Variants in ARB2A observed in about 807,000 individuals in gnomAD.
The protein encoded by ARB2A is ARB2 cotranscriptional regulator A.
the ARB2A span, among the ~76,000 whole-genome samples, chr5:94,009,491 G>T: frequency 2.0e-5 from 3 of 151,790 alleles, no homozygotes; most frequent in Non-Finnish European, 4.4e-5. Flanking sequence ...AAAAATTAAG[G>T]ATGAATCTTA....
At chr5:94,110,575 C>A in the ARB2A span, among the ~76,000 whole-genome samples, 6 of 152,278 alleles carry the variant, frequency 3.9e-5, no homozygotes, top group Non-Finnish European at 7.4e-5. Flanking sequence ...CTTAACGAAG[C>A]AGATCCAAAA....
the ARB2A span, among the ~76,000 whole-genome samples, chr5:94,101,387 G>A: frequency 1.3e-5 from 2 of 152,134 alleles, no homozygotes; most frequent in Admixed American, 6.5e-5. Context: ...GCAGTATAGC[G>A]TTTCCTCAAA....
the ARB2A span, among the ~76,000 whole-genome samples, chr5:93,872,274 T>G: frequency 6.6e-6 from 1 of 152,092 alleles, no homozygotes; most frequent in South Asian, 2.1e-4. Context: ...TACACATTAA[T>G]TTACATCATT....
At chr5:93,966,654 G>A in the ARB2A span, among the ~76,000 whole-genome samples, 1 of 151,900 alleles carries the variant, frequency 6.6e-6, no homozygotes, top group Non-Finnish European at 1.5e-5. Context: ...TATCTTATAG[G>A]CAATTCTCCG....
chr5:93,727,066 C>A, the ARB2A span, among the ~76,000 whole-genome samples: 1 of 151,794 alleles, frequency 6.6e-6, no homozygotes, highest in Non-Finnish European at 1.5e-5. Flanking sequence ...TTTTTCCTGG[C>A]ATAATTAAAA....
the ARB2A span, among the ~76,000 whole-genome samples, chr5:93,968,473 C>T: frequency 3.3e-5 from 5 of 152,152 alleles, 1 homozygote; most frequent in African/African-American, 1.2e-4. Flanking sequence ...CAAGGAAAGA[C>T]TCAATGAGCT....
chr5:93,870,536 T>C, the ARB2A span, among the ~76,000 whole-genome samples: 1 of 152,248 alleles, frequency 6.6e-6, no homozygotes, highest in African/African-American at 2.4e-5. Flanking sequence ...CCTCTGGAGA[T>C]TCCTGAGATT....
the ARB2A span, among the ~76,000 whole-genome samples, chr5:93,687,718 G>T: frequency 6.6e-6 from 1 of 152,160 alleles, no homozygotes; most frequent in African/African-American, 2.4e-5. Context: ...TGTGCACACT[G>T]CTATTAATAG....
At chr5:94,071,390 T>C in the ARB2A span, among the ~76,000 whole-genome samples, 1 of 151,996 alleles carries the variant, frequency 6.6e-6, no homozygotes, top group African/African-American at 2.4e-5. Flanking sequence ...AAAAAATTGA[T>C]AAACAGGACT....
chr5:93,866,390 A>G, the ARB2A span, among the ~76,000 whole-genome samples: 1 of 152,208 alleles, frequency 6.6e-6, no homozygotes, highest in African/African-American at 2.4e-5. Flanking sequence ...AGCCTAAATT[A>G]CTTATTGGGC....
chr5:93,640,064 CAAAAAAAAAAA>C, the ARB2A span, among the ~76,000 whole-genome samples: 1 of 59,276 alleles, frequency 1.7e-5, no homozygotes, highest in Non-Finnish European at 3.2e-5. Context: ...ACTCTGTCTC[CAAAAAAAAAAA>C]AAAAAAAAAA....
At chr5:93,915,719 ACT>A in the ARB2A span, among the ~76,000 whole-genome samples, 5 of 151,924 alleles carry the variant, frequency 3.3e-5, no homozygotes, top group African/African-American at 1.2e-4. Context: ...GATTTTATTA[ACT>A]CTCTACTCCC....
the ARB2A span, among the ~76,000 whole-genome samples, chr5:94,095,459 A>C: frequency 6.6e-6 from 1 of 152,166 alleles, no homozygotes; most frequent in East Asian, 1.9e-4. Flanking sequence ...GCACACACAG[A>C]TAGCCATGAC....
the ARB2A span, among the ~76,000 whole-genome samples, chr5:93,899,862 A>C: frequency 6.6e-6 from 1 of 152,190 alleles, no homozygotes; most frequent in Non-Finnish European, 1.5e-5. Flanking sequence ...ACTTGAAAAC[A>C]ACAAAACTAG....
At chr5:93,886,895 T>C in the ARB2A span, among the ~76,000 whole-genome samples, 6 of 151,748 alleles carry the variant, frequency 4.0e-5, no homozygotes, top group African/African-American at 1.2e-4. Flanking sequence ...CTGTGTGTGT[T>C]CCATGGTATA....
At chr5:93,996,439 G>A in the ARB2A span, among the ~76,000 whole-genome samples, 645 of 152,164 alleles carry the variant, frequency 4.2e-3, 3 homozygotes, top group Non-Finnish European at 5.8e-3. Context: ...GGTTGTGTGA[G>A]AATGCAGACA....
chr5:93,885,924 C>A, the ARB2A span, among the ~76,000 whole-genome samples: 1 of 151,730 alleles, frequency 6.6e-6, no homozygotes, highest in South Asian at 2.1e-4. Context: ...TATCATTCAA[C>A]CAACAAATGA....
At chr5:93,740,547 A>G in the ARB2A span, 2 of 1,559,888 alleles carry the variant, frequency 1.3e-6, no homozygotes. Context: ...CCCCTCTCCA[A>G]CCGTGCCGTG....
chr5:93,802,472 C>T, the ARB2A span, among the ~76,000 whole-genome samples: 1 of 151,924 alleles, frequency 6.6e-6, no homozygotes, highest in Non-Finnish European at 1.5e-5. Flanking sequence ...TAAACAATTG[C>T]TTAATTTTAT....
Sources: gnomAD v4.1 joint callset for allele counts (sites outside exome capture counted in the v4.1 genomes callset) on GRCh38, gnomAD v4.1.1 for gene constraint, MANE v1.5 for transcripts, NCBI Gene and HGNC (gene_info 2026-07-23, HGNC 2026-07-21) for gene names.